RYR2: variants seen among roughly 807,000 people sequenced by gnomAD.
The protein encoded by RYR2 is ryanodine receptor 2.
A neutral mutation model predicts 601.1 loss-of-function variants in RYR2; 227 were observed. The ratio of observed to expected loss-of-function variants is 0.38; its 90% CI spans 0.34 to 0.42. The LOEUF (loss-of-function observed/expected upper bound fraction) is 0.42, where lower values mean the gene tolerates loss of function less well. Among genes scored for constraint, RYR2 ranks in the 10% least tolerant of loss-of-function variants. The pLI, the probability that RYR2 is intolerant of heterozygous loss-of-function variation, is 1.00. For synonymous variants in RYR2, 2,223 were observed against 2,175.1 expected, an observed-to-expected ratio of 1.02 and a Z score of -0.61; for missense variants, 4,646 against 6,156.5, an observed-to-expected ratio of 0.75 and a Z score of 8.21.
intron 22 of RYR2, 144 bp from the exon 23 acceptor site, chr1:237,506,566 G>T: frequency 3.8e-6 from 2 of 529,102 alleles, no homozygotes; most frequent in South Asian, 2.6e-5. Context: ...AAAGAATGTC[G>T]TGAAATAGAT....
At chr1:237,584,587 A>G (rs537171438) in intron 29 of RYR2, among the ~76,000 whole-genome samples, 21 of 151,252 alleles carry the variant, frequency 1.4e-4, no homozygotes, top group Non-Finnish European at 1.3e-4. Context: ...TATGAAGACA[A>G]TGTAGAACAG....
intron 1 of RYR2, among the ~76,000 whole-genome samples, chr1:237,144,061 G>T (rs1043623363): frequency 2.0e-5 from 3 of 151,922 alleles, no homozygotes; most frequent in Admixed American, 1.3e-4. Flanking sequence ...CCCGGGAAGT[G>T]GAAGTTGCAA....
chr1:237,669,733 C>T (rs977806801), intron 58 of RYR2, among the ~76,000 whole-genome samples: 9 of 151,188 alleles, frequency 6.0e-5, no homozygotes, highest in East Asian at 4.0e-4. Flanking sequence ...GATGTGATGG[C>T]GGCTGGGAAG....
intron 1 of RYR2, among the ~76,000 whole-genome samples, chr1:237,136,403 T>C (rs763100665): frequency 1.3e-5 from 2 of 152,170 alleles, no homozygotes; most frequent in Non-Finnish European, 2.9e-5. Flanking sequence ...GAGGTATGCA[T>C]GCTATGCAGG....
At position 237,211,300 on chromosome 1, in the gene RYR2, G is replaced by A. The variant is rs1283086530; in HGVS notation, c.49-59197G>A. ...TGCCAGTATTTAGATTTGACTATAT[G>A]TGTACAAGTTATCAATGTGCTCTGC... On this transcript the variant is annotated intron_variant, in intron 1 of 104. Transcript: ENST00000366574. Among the ~76,000 whole-genome samples, 3 of 152,164 alleles carry A rather than the reference G, an allele frequency of 2.0e-5. 1 individual carries two copies. In the East Asian group the frequency reaches 5.8e-4, roughly 29 times the overall value.
At chr1:237,700,592 A>T in intron 65 of RYR2, 125 bp downstream of exon 65, 1 of 611,900 alleles carries the variant, frequency 1.6e-6, no homozygotes, top group Admixed American at 3.0e-5. Context: ...TGCCTTTTTT[A>T]TTGCAAAACG....
At chr1:237,385,726 G>A (rs896925280) in intron 8 of RYR2, among the ~76,000 whole-genome samples, 4 of 152,158 alleles carry the variant, frequency 2.6e-5, no homozygotes, top group Admixed American at 1.3e-4. Context: ...ATTGAAATAC[G>A]AGTATTTATG....
intron 21 of RYR2, among the ~76,000 whole-genome samples, chr1:237,501,581 C>A (rs941978503): frequency 2.0e-5 from 3 of 152,118 alleles, no homozygotes; most frequent in Admixed American, 6.5e-5. Flanking sequence ...CACACACACA[C>A]CTGTACACTT....
chr1:237,493,647 T>C (rs1034070921), intron 19 of RYR2, among the ~76,000 whole-genome samples: 9 of 152,014 alleles, frequency 5.9e-5, no homozygotes, highest in Non-Finnish European at 1.0e-4. Context: ...AGAGACAGGG[T>C]TTCACCGTGT....
At chr1:237,463,666 C>A (rs185879611) in intron 16 of RYR2, among the ~76,000 whole-genome samples, 1 of 152,044 alleles carries the variant, frequency 6.6e-6, no homozygotes, top group Non-Finnish European at 1.5e-5. Flanking sequence ...CATAAAGAGA[C>A]CCTGTCTCTA....
intron 71 of RYR2, among the ~76,000 whole-genome samples, chr1:237,716,019 A>G (rs1334740321): frequency 6.6e-6 from 1 of 152,282 alleles, no homozygotes; most frequent in African/African-American, 2.4e-5. Context: ...TAAAAATGGG[A>G]TTCATGCAAT....
chr1:237,424,856 A>G (rs1397137000), intron 12 of RYR2, among the ~76,000 whole-genome samples: 1 of 152,154 alleles, frequency 6.6e-6, no homozygotes, highest in Non-Finnish European at 1.5e-5. Context: ...GTCCCACAGA[A>G]CTTCTATTTG....
At chr1:237,186,298 G>T (rs1173339742) in intron 1 of RYR2, among the ~76,000 whole-genome samples, 1 of 152,108 alleles carries the variant, frequency 6.6e-6, no homozygotes, top group Non-Finnish European at 1.5e-5. Flanking sequence ...TTTAACACAG[G>T]CGTGATGGTT....
At chr1:237,131,014 A>G (rs1672110865) in intron 1 of RYR2, among the ~76,000 whole-genome samples, 2 of 152,160 alleles carry the variant, frequency 1.3e-5, no homozygotes, top group Non-Finnish European at 2.9e-5. Context: ...TGAGCTTTAC[A>G]CCAAGTAAAA....
chr1:237,203,585 T>TA (rs1217615632), intron 1 of RYR2, among the ~76,000 whole-genome samples: 1 of 152,200 alleles, frequency 6.6e-6, no homozygotes, highest in Non-Finnish European at 1.5e-5. Context: ...CAGTGTTACT[T>TA]ACAATGGTAA....
chr1:237,385,072 G>A (rs769244933), intron 8 of RYR2, among the ~76,000 whole-genome samples: 8 of 151,756 alleles, frequency 5.3e-5, no homozygotes, highest in Non-Finnish European at 1.0e-4. Context: ...TGTATTTTTA[G>A]TAGAGACAGG....
intron 90 of RYR2, 105 bp from the exon 91 acceptor site, chr1:237,785,864 G>GTATC: frequency 1.3e-6 from 1 of 797,280 alleles, no homozygotes; most frequent in Admixed American, 2.1e-5. Context: ...AAGCAAGAGG[G>GTATC]TATCTTATAT....
chr1:237,117,750 CT>C (rs1363000657), intron 1 of RYR2, among the ~76,000 whole-genome samples: 124 of 122,436 alleles, frequency 1.0e-3, no homozygotes, highest in African/African-American at 3.7e-3. Flanking sequence ...CTCTTCTCTT[CT>C]CTTCTCTGTT....
At chr1:237,648,170 G>C (rs1682365824) in intron 48 of RYR2, among the ~76,000 whole-genome samples, 1 of 152,154 alleles carries the variant, frequency 6.6e-6, no homozygotes, top group African/African-American at 2.4e-5. Flanking sequence ...TTGGATGCCT[G>C]TTTGTTTCTC....
Sources: gnomAD v4.1 joint callset for allele counts (sites outside exome capture counted in the v4.1 genomes callset) on GRCh38, gnomAD v4.1.1 for gene constraint, MANE v1.5 for transcripts, NCBI Gene and HGNC (gene_info 2026-07-23, HGNC 2026-07-21) for gene names.